RCOR3: variants seen among roughly 807,000 people sequenced by gnomAD.
RCOR3 encodes REST corepressor 3.
In RCOR3, 13 loss-of-function variants were observed where a neutral mutation model predicts 64.1. The ratio of observed to expected loss-of-function variants is 0.20; its 90% CI spans 0.13 to 0.32. The LOEUF is 0.32. Among genes scored for constraint, RCOR3 ranks in the 10% least tolerant of loss-of-function variants. The pLI, the probability that RCOR3 is intolerant of heterozygous loss-of-function variation, is 1.00. For synonymous variants in RCOR3, 215 were observed against 239.0 expected (o/e 0.90, Z 0.93); for missense variants, 489 against 701.2 (o/e 0.70, Z 3.42).
intron 10 of RCOR3, among the ~76,000 whole-genome samples, chr1:211,306,272 C>T (rs897956886): frequency 6.6e-6 from 1 of 151,872 alleles, no homozygotes; most frequent in African/African-American, 2.4e-5. Context: ...AGTTTCAGTG[C>T]AGTTAAGGGG....
intron 2 of RCOR3, among the ~76,000 whole-genome samples, chr1:211,269,798 T>A (rs1337696618): frequency 1.3e-5 from 2 of 152,094 alleles, no homozygotes; most frequent in East Asian, 3.9e-4. Flanking sequence ...TTAATAGGGC[T>A]TGATTTTTCT....
At chr1:211,271,571 C>G in intron 3 of RCOR3, 1 of 550,712 alleles carries the variant, frequency 1.8e-6, no homozygotes, top group South Asian at 1.5e-5. Flanking sequence ...GGCATTGCTG[C>G]TTAAATCCTC....
chr1:211,283,891 T>C (rs769468632), intron 7 of RCOR3, among the ~76,000 whole-genome samples: 79 of 151,974 alleles, frequency 5.2e-4, no homozygotes, highest in Non-Finnish European at 8.8e-4. Context: ...TTTTTTCTTA[T>C]TGAATTCTTT....
intron 10 of RCOR3, among the ~76,000 whole-genome samples, chr1:211,308,282 G>A (rs1003608127): frequency 1.3e-5 from 2 of 152,092 alleles, no homozygotes; most frequent in African/African-American, 4.8e-5. Flanking sequence ...TTTTGTAATG[G>A]AATGTAACTT....
intron 7 of RCOR3, among the ~76,000 whole-genome samples, chr1:211,283,576 G>T (rs1361577738): frequency 6.6e-6 from 1 of 152,180 alleles, no homozygotes; most frequent in Non-Finnish European, 1.5e-5. Flanking sequence ...TCATTCATCA[G>T]GTAACTACTG....
At chr1:211,301,407 C>A (rs1700365609) in intron 9 of RCOR3, 2 of 152,184 alleles carry the variant, frequency 1.3e-5, no homozygotes, top group Non-Finnish European at 2.9e-5. Flanking sequence ...TAGTTATGAT[C>A]ACACCTCTGA....
chr1:211,261,476 A>AGT (rs1694264320), intron 2 of RCOR3, among the ~76,000 whole-genome samples: 1 of 152,210 alleles, frequency 6.6e-6, no homozygotes, highest in Non-Finnish European at 1.5e-5. Flanking sequence ...AAAGACTATC[A>AGT]GTGTGTATAC....
chr1:211,259,749 C>T (rs1166840693), intron 1 of RCOR3, 23 bp downstream of exon 1: 4 of 1,451,172 alleles, frequency 2.8e-6, no homozygotes, highest in African/African-American at 1.5e-5. Flanking sequence ...AACTCCTCCC[C>T]GCCAGCCCGC....
intron 5 of RCOR3, among the ~76,000 whole-genome samples, chr1:211,277,878 C>T (rs1697235746): frequency 1.3e-5 from 2 of 152,204 alleles, no homozygotes; most frequent in South Asian, 4.2e-4. Context: ...ACATTCTCAC[C>T]AGATTAGTTT....
intron 5 of RCOR3, among the ~76,000 whole-genome samples, chr1:211,277,688 A>C (rs1444465201): frequency 6.6e-6 from 1 of 152,194 alleles, no homozygotes; most frequent in Non-Finnish European, 1.5e-5. Context: ...AATGATTGCT[A>C]ATGGGTACCG....
At chr1:211,311,562 T>C (rs2102679870) in intron 10 of RCOR3, among the ~76,000 whole-genome samples, 1 of 152,278 alleles carries the variant, frequency 6.6e-6, no homozygotes, top group Non-Finnish European at 1.5e-5. Flanking sequence ...TTCATATTAA[T>C]TGGTATTGGT....
chr1:211,310,171 C>T (rs1701337778), intron 10 of RCOR3, among the ~76,000 whole-genome samples: 1 of 152,178 alleles, frequency 6.6e-6, no homozygotes, highest in African/African-American at 2.4e-5. Context: ...TACTTTCCAA[C>T]CTTTTTCACA....
chr1:211,307,912 C>T (rs1701023197), intron 10 of RCOR3, among the ~76,000 whole-genome samples: 1 of 151,932 alleles, frequency 6.6e-6, no homozygotes, highest in Non-Finnish European at 1.5e-5. Flanking sequence ...GTTCAGGTGG[C>T]TTATGCTTAT....
In RCOR3 at chr1:211,313,853, AATC is replaced by A. The variant is rs1472494839; in HGVS notation, c.*88_*90del. ...TGACTGATGAAAAAGAGGAAAGAAT[AATC>A]ATTTCTAGATACTGAGGCTGCGAAC... is the stretch of plus-strand genomic sequence containing the variant. On this transcript the variant is annotated 3_prime_UTR_variant, in exon 12 of 12. Coordinates refer to ENST00000419091, the MANE Select transcript of RCOR3 (RefSeq NM_001136223.3). This position sits in a 1 kb window ranked among gnomAD's most constrained non-coding sequence, Gnocchi z 4.7. 2 of 1,234,222 alleles carry A rather than the reference AATC, an allele frequency of 1.6e-6. No homozygotes were observed. The highest frequency in any genetic ancestry group is 3.0e-5 in the African/African-American group (2 of 66,798). 76.5% of individuals were successfully genotyped at this position (1,234,222 alleles called of 1,614,324 possible).
chr1:211,293,797 A>C (rs567515196), intron 8 of RCOR3, among the ~76,000 whole-genome samples: 30 of 152,294 alleles, frequency 2.0e-4, no homozygotes, highest in African/African-American at 6.5e-4. Context: ...CTGTGGTTTT[A>C]AGATCTCTAG....
At position 211,314,018 on chromosome 1, in the gene RCOR3, A is replaced by C; in HGVS notation, c.*250A>C. 2.2e-6 allele frequency: 1 copy of C among 447,902 alleles called. No individual in the cohort carries two copies. Among genetic ancestry groups the C allele is most frequent in the Non-Finnish European group, 4.0e-6 (1 of 252,446 alleles). The allele number at this position is 447,902 out of a possible 1,614,324, so 27.7% of individuals were successfully genotyped here. On this transcript the variant is annotated 3_prime_UTR_variant, in exon 12 of 12. Coordinates refer to ENST00000419091, the MANE Select transcript of RCOR3 (RefSeq NM_001136223.3). ...ATGTTCAGCAATGTTGATCTCATAA[A>C]AGGAAAAACAAAAGATTTAAGTATT...
At chr1:211,308,699 T>G (rs1701171624) in intron 10 of RCOR3, among the ~76,000 whole-genome samples, 1 of 38,856 alleles carries the variant, frequency 2.6e-5, no homozygotes, top group Admixed American at 3.3e-4. Context: ...TTTTTTTTTT[T>G]GTGTAGTCCA....
At chr1:211,308,673 G>GTTTTTTTTT (rs545513442) in intron 10 of RCOR3, among the ~76,000 whole-genome samples, 10 of 40,474 alleles carry the variant, frequency 2.5e-4, no homozygotes, top group African/African-American at 4.3e-4. Flanking sequence ...TTTTTTTTTT[G>GTTTTTTTTT]TTTTTTTTTT....
chr1:211,313,807 A>G lies in RCOR3; in HGVS notation c.*39A>G, dbSNP rs1701722102. ...CACAGCTGCAGTAACTTTTCACCCCATCATTATACCAGTGCTCATCTGACT... is the reference window on the plus strand; with the variant it reads ...CACAGCTGCAGTAACTTTTCACCCCGTCATTATACCAGTGCTCATCTGACT... On this transcript the variant is annotated 3_prime_UTR_variant, in exon 12 of 12. Transcript: ENST00000419091. This position sits in a 1 kb window ranked among gnomAD's most constrained non-coding sequence, Gnocchi z 4.7. 6.6e-7 allele frequency: 1 copy of G among 1,515,086 alleles called. No individual in the cohort carries two copies. Among genetic ancestry groups the G allele is most frequent in the South Asian group, 1.2e-5 (1 of 86,744 alleles). 93.9% of individuals were successfully genotyped at this position (1,515,086 alleles called of 1,614,324 possible).
Sources: gnomAD v4.1 joint callset for allele counts (sites outside exome capture counted in the v4.1 genomes callset) on GRCh38, gnomAD v4.1.1 for gene constraint, Gnocchi (gnomAD v3.1) non-coding constraint, MANE v1.5 for transcripts, NCBI Gene and HGNC (gene_info 2026-07-23, HGNC 2026-07-21) for gene names.